Variants in CA10 observed in about 807,000 individuals in gnomAD.
CA10 encodes the protein carbonic anhydrase 10 (inactive), also known as carbonic anhydrase-related protein 10.
In CA10, 14 loss-of-function variants were observed where a neutral mutation model predicts 44.2. That is an observed-to-expected ratio of 0.32 (90% CI 0.21 to 0.50). The LOEUF is 0.50. Ranked by LOEUF, CA10 falls within the 20% of genes least tolerant of loss-of-function variation. The pLI, the probability that CA10 is intolerant of heterozygous loss-of-function variation, is 0.99. For missense variants in CA10, 350 were observed against 409.7 expected (o/e 0.85, Z 1.26); for synonymous variants, 159 against 141.6 (o/e 1.12, Z -0.87).
rs145983309 is a variant in CA10, at chr17:51,994,797, A to G, written c.137-63665T>C. Among the ~76,000 whole-genome samples the G allele has an allele frequency of 3.7e-3, 565 of 151,644 alleles. 6 individuals carry two copies. Among genetic ancestry groups the G allele is most frequent in the South Asian group, 0.022 (106 of 4,762 alleles). ...TTACTCAAGTATGGACTTCCAGCAAAAAGAATTGAATGATTTAAATATTTT... is the reference window on the plus strand; with the variant it reads ...TTACTCAAGTATGGACTTCCAGCAAGAAGAATTGAATGATTTAAATATTTT... On this transcript the variant is annotated intron_variant, in intron 2 of 8. Coordinates refer to ENST00000451037, the MANE Select transcript of CA10 (RefSeq NM_020178.5).
At chr17:51,644,213 T>A (rs1168155064) in intron 6 of CA10, among the ~76,000 whole-genome samples, 2 of 151,722 alleles carry the variant, frequency 1.3e-5, no homozygotes, top group Admixed American at 6.6e-5. Context: ...TGCCCAATCC[T>A]ACAAACCGGG....
At chr17:51,820,193 C>G (rs112621031) in intron 3 of CA10, among the ~76,000 whole-genome samples, 22,144 of 130,780 alleles carry the variant, frequency 0.17, 2,189 homozygotes, top group East Asian at 0.27. Context: ...CCGCCCCCCC[C>G]CCCCCAGGTA....
intron 6 of CA10, among the ~76,000 whole-genome samples, chr17:51,636,775 T>TTGTGTG (rs57428535): frequency 0.3 from 44,035 of 146,154 alleles, 6,725 homozygotes; most frequent in Middle Eastern, 0.33. Flanking sequence ...ACTGATTATT[T>TTGTGTG]TGTGTGTGTG....
chr17:51,838,595 T>C (rs11655338), intron 3 of CA10, among the ~76,000 whole-genome samples: 11,802 of 152,342 alleles, frequency 0.077, 589 homozygotes, highest in African/African-American at 0.13. Context: ...TTGGTTTCTT[T>C]GAAGACTGAC....
At chr17:51,961,213 A>G (rs1983880129) in intron 2 of CA10, among the ~76,000 whole-genome samples, 1 of 151,780 alleles carries the variant, frequency 6.6e-6, no homozygotes, top group South Asian at 2.1e-4. Context: ...ACACACACAC[A>G]CACACACACA....
intron 3 of CA10, among the ~76,000 whole-genome samples, chr17:51,853,240 A>T (rs1001017953): frequency 6.6e-6 from 1 of 152,222 alleles, no homozygotes; most frequent in Admixed American, 6.5e-5. Context: ...ACTGCTAATC[A>T]GGAGTGGGGT....
At chr17:51,697,245 A>G (rs1297610157) in intron 4 of CA10, among the ~76,000 whole-genome samples, 1 of 152,196 alleles carries the variant, frequency 6.6e-6, no homozygotes, top group Non-Finnish European at 1.5e-5. Flanking sequence ...TGAGGATTAA[A>G]CATAAAGCTC....
intron 4 of CA10, among the ~76,000 whole-genome samples, chr17:51,738,334 T>C (rs961124650): frequency 3.9e-5 from 6 of 152,166 alleles, no homozygotes; most frequent in African/African-American, 1.4e-4. Flanking sequence ...CATCGAATGA[T>C]TTAATTTAGC....
At position 51,740,991 on chromosome 17, in the gene CA10, T is replaced by C. The variant is rs1904437043; in HGVS notation, c.465+6642A>G. On this transcript the variant is annotated intron_variant, in intron 4 of 8. Transcript: ENST00000451037. ...AAATTTACTCATTTATTATGTTTAT[T>C]ATTTATTATCTGTCTCCCCCCGCTA... Among the ~76,000 whole-genome samples, 4 of 152,282 alleles carry C rather than the reference T, an allele frequency of 2.6e-5. No homozygotes were observed. The South Asian group carries it at 8.3e-4, about 31-fold the overall frequency.
At chr17:51,834,398 C>A (rs1271662128) in intron 3 of CA10, among the ~76,000 whole-genome samples, 2 of 152,202 alleles carry the variant, frequency 1.3e-5, no homozygotes, top group African/African-American at 2.4e-5. Context: ...GACCTGCCTC[C>A]TTCCTCAGAT....
At chr17:52,159,553 C>A (rs1989897099), upstream of CA10, 1 of 152,334 alleles carries the variant, frequency 6.6e-6, no homozygotes, top group Non-Finnish European at 1.5e-5. Context: ...AGGATACTTT[C>A]CGCCAACGAC....
rs568590610 is a variant in CA10, at chr17:51,840,912, T to C, written c.279+90078A>G. On this transcript the variant is annotated intron_variant, in intron 3 of 8. Coordinates refer to ENST00000451037, the MANE Select transcript of CA10 (RefSeq NM_020178.5). ...GGGAGAACAAACTCACAGTTTATCA[T>C]TTAAGAAACAGAAAGCAAACCAGAG... Among the ~76,000 whole-genome samples the C allele has an allele frequency of 2.0e-5, 3 of 152,300 alleles. No homozygotes were observed. In the East Asian group the frequency reaches 5.8e-4, roughly 29 times the overall value.
At chr17:52,070,679 C>A (rs1477293211) in intron 2 of CA10, among the ~76,000 whole-genome samples, 1 of 152,160 alleles carries the variant, frequency 6.6e-6, no homozygotes, top group Non-Finnish European at 1.5e-5. Flanking sequence ...TATTTTATAT[C>A]AACATGTAAG....
At position 51,920,091 on chromosome 17, in the gene CA10, C is replaced by G. The variant is rs543890869; in HGVS notation, c.279+10899G>C. Among the ~76,000 whole-genome samples the G allele has an allele frequency of 1.7e-4, 26 of 152,332 alleles. 1 individual carries two copies. Among genetic ancestry groups the G allele is most frequent in the Admixed American group, 5.9e-4 (9 of 15,300 alleles). On this transcript the variant is annotated intron_variant, in intron 3 of 8. Transcript: ENST00000451037. ...ATCTGCCTATAAATTAATTAAACATCTCAAGCTAGTCCTTCTATAATTTTT... is the reference window on the plus strand; with the variant it reads ...ATCTGCCTATAAATTAATTAAACATGTCAAGCTAGTCCTTCTATAATTTTT...
intron 3 of CA10, among the ~76,000 whole-genome samples, chr17:51,802,902 A>G (rs186316168): frequency 1.2e-4 from 19 of 152,224 alleles, no homozygotes; most frequent in Admixed American, 4.6e-4. Context: ...TAAGTGCCCC[A>G]TTTCTTTCCC....
At chr17:51,842,381 G>A (rs531289301) in intron 3 of CA10, among the ~76,000 whole-genome samples, 4 of 152,268 alleles carry the variant, frequency 2.6e-5, no homozygotes, top group Non-Finnish European at 5.9e-5. Context: ...AAAATCTGAA[G>A]ATCTAAAGAA....
intron 3 of CA10, among the ~76,000 whole-genome samples, chr17:51,872,211 T>C (rs1057420725): frequency 5.9e-5 from 9 of 152,204 alleles, no homozygotes; most frequent in African/African-American, 2.2e-4. Context: ...TACATTTCCT[T>C]CCTTTTGATA....
Position 51,781,751 on chromosome 17 carries a change from C to T in CA10, c.280-33933G>A, listed in dbSNP as rs141844647. 3.1e-3 allele frequency among the ~76,000 whole-genome samples: 467 copies of T among 152,278 alleles called. 3 individuals carry two copies. Among genetic ancestry groups the T allele is most frequent in the Admixed American group, 6.7e-3 (102 of 15,292 alleles). ...TTAAGTCCCACCTTTATCCCTATGCCATATAGACTTTGCTGTTAGAACAAT... is the reference window on the plus strand; with the variant it reads ...TTAAGTCCCACCTTTATCCCTATGCTATATAGACTTTGCTGTTAGAACAAT... On this transcript the variant is annotated intron_variant, in intron 3 of 8. Coordinates refer to ENST00000451037, the MANE Select transcript of CA10 (RefSeq NM_020178.5).
intron 2 of CA10, among the ~76,000 whole-genome samples, chr17:52,022,072 C>A (rs564930052): frequency 7.4e-4 from 112 of 152,062 alleles, no homozygotes; most frequent in African/African-American, 2.4e-3. Flanking sequence ...AAGTGAAAAT[C>A]AAGGAGGAGA....
Sources: gnomAD v4.1 joint callset for allele counts (sites outside exome capture counted in the v4.1 genomes callset) on GRCh38, gnomAD v4.1.1 for gene constraint, MANE v1.5 for transcripts, NCBI Gene and HGNC (gene_info 2026-07-23, HGNC 2026-07-21) for gene names.